The following CNTN5 variants were observed in gnomAD, a reference collection of about 807,000 sequenced individuals.
The protein encoded by CNTN5 is contactin-5.
A neutral mutation model predicts 129.1 loss-of-function variants in CNTN5; 77 were observed. The observed-to-expected ratio is 0.60, with a 90% CI of 0.50 to 0.72. The LOEUF (loss-of-function observed/expected upper bound fraction) is 0.72. Ranked by LOEUF, CNTN5 falls within the 30% of genes least tolerant of loss-of-function variation. CNTN5 has a pLI of 0.00. For synonymous variants in CNTN5, 509 were observed against 465.6 expected, an observed-to-expected ratio of 1.09 and a Z score of -1.20; for missense variants, 1,478 against 1,328.8, an observed-to-expected ratio of 1.11 and a Z score of -1.75.
intron 1 of CNTN5, among the ~76,000 whole-genome samples, chr11:99,098,220 A>G (rs1159378663): frequency 6.6e-6 from 1 of 152,090 alleles, no homozygotes; most frequent in Non-Finnish European, 1.5e-5. Flanking sequence ...ATATTTGTTG[A>G]CTTACTTACT....
In CNTN5 at chr11:99,957,000, C is replaced by T. The variant is rs779028608; in HGVS notation, c.868C>T (p.Arg290Cys). 20 of 1,613,048 alleles carry T rather than the reference C, an allele frequency of 1.2e-5. No individual in the cohort carries two copies. Among genetic ancestry groups the T allele is most frequent in the Non-Finnish European group, 1.6e-5 (19 of 1,179,488 alleles). ...VLSPPTPLTL[R>C]NDGVMGEYEP... ...TAGTCCTCCAACGCCACTCACTCTGCGTAATGATGGTAAGTTGCTTGGCCC... is the reference window on the plus strand; with the variant it reads ...TAGTCCTCCAACGCCACTCACTCTGTGTAATGATGGTAAGTTGCTTGGCCC... Residue 290 changes from arginine (R) to cysteine (C), a missense_variant, in exon 8 of 25, where the codon CGT becomes TGT. Transcript: ENST00000524871.
At chr11:100,202,455 A>G (rs1026586322) in intron 15 of CNTN5, among the ~76,000 whole-genome samples, 3 of 151,624 alleles carry the variant, frequency 2.0e-5, no homozygotes, top group Non-Finnish European at 2.9e-5. Context: ...ATGAGATCCA[A>G]TTTTCAAGTA....
intron 3 of CNTN5, among the ~76,000 whole-genome samples, chr11:99,777,141 G>A (rs1945151325): frequency 6.6e-6 from 1 of 151,582 alleles, no homozygotes; most frequent in African/African-American, 2.4e-5. Flanking sequence ...GTTTATTATG[G>A]TGAATATTAC....
At chr11:100,195,177 T>TA (rs1338475783) in intron 15 of CNTN5, among the ~76,000 whole-genome samples, 2 of 151,968 alleles carry the variant, frequency 1.3e-5, no homozygotes, top group Non-Finnish European at 1.5e-5. Flanking sequence ...ACATTTTGAT[T>TA]AAAAAATCCC....
chr11:99,739,970 G>A (rs1165132993), intron 3 of CNTN5, among the ~76,000 whole-genome samples: 1 of 151,938 alleles, frequency 6.6e-6, no homozygotes, highest in Non-Finnish European at 1.5e-5. Context: ...TTAAGCTTTT[G>A]GCAAGTGCTA....
At chr11:100,168,028 C>T (rs1947696968) in intron 13 of CNTN5, among the ~76,000 whole-genome samples, 1 of 151,868 alleles carries the variant, frequency 6.6e-6, no homozygotes, top group African/African-American at 2.4e-5. Context: ...AAACTAAATC[C>T]TACTCTAGAG....
chr11:99,920,589 G>A (rs560137818), intron 7 of CNTN5, among the ~76,000 whole-genome samples: 1 of 152,052 alleles, frequency 6.6e-6, no homozygotes, highest in Admixed American at 6.6e-5. Context: ...TGTACATCAG[G>A]CCTCAGAGCC....
At chr11:99,422,518 T>TATATATATA (rs1565569181) in intron 2 of CNTN5, among the ~76,000 whole-genome samples, 13 of 83,390 alleles carry the variant, frequency 1.6e-4, no homozygotes, top group Non-Finnish European at 2.5e-4. Context: ...CTTTATATTT[T>TATATATATA]TATATATATA....
intron 21 of CNTN5, among the ~76,000 whole-genome samples, chr11:100,322,439 G>T (rs1045953346): frequency 2.0e-5 from 3 of 152,044 alleles, no homozygotes; most frequent in Admixed American, 1.3e-4. Flanking sequence ...AGCCAGGATG[G>T]TCTCGATCTC....
At chr11:100,356,096 T>C in intron 24 of CNTN5, 21 bp from the exon 25 acceptor site, 1 of 1,557,826 alleles carries the variant, frequency 6.4e-7, no homozygotes, top group South Asian at 1.1e-5. Context: ...TTTGCTCCAT[T>C]TGATGCTTCT....
At chr11:99,167,276 T>C (rs1860918283) in intron 1 of CNTN5, among the ~76,000 whole-genome samples, 1 of 152,172 alleles carries the variant, frequency 6.6e-6, no homozygotes, top group East Asian at 1.9e-4. Context: ...ACTCATAATT[T>C]AGTGTTAAAA....
At chr11:99,330,927 TAAAC>T (rs1170470728) in intron 2 of CNTN5, among the ~76,000 whole-genome samples, 7 of 151,848 alleles carry the variant, frequency 4.6e-5, no homozygotes, top group Non-Finnish European at 1.0e-4. Context: ...TGCCTAAAAA[TAAAC>T]ATACACACAC....
chr11:99,521,620 G>C (rs568118837), intron 2 of CNTN5, among the ~76,000 whole-genome samples: 1 of 152,104 alleles, frequency 6.6e-6, no homozygotes, highest in Admixed American at 6.6e-5. Flanking sequence ...CTTTAACTGC[G>C]TTAGCTTGCT....
chr11:99,853,586 A>G (rs1947943908), intron 6 of CNTN5, among the ~76,000 whole-genome samples: 1 of 152,038 alleles, frequency 6.6e-6, no homozygotes. Flanking sequence ...TTTTTAGTAG[A>G]GACGGGGTTT....
At chr11:99,183,089 T>C (rs1555071118) in intron 1 of CNTN5, among the ~76,000 whole-genome samples, 1 of 152,160 alleles carries the variant, frequency 6.6e-6, no homozygotes, top group Non-Finnish European at 1.5e-5. Flanking sequence ...TATTTAGTCA[T>C]GGTGATTACA....
chr11:100,348,052 T>C (rs1235745380), intron 23 of CNTN5, among the ~76,000 whole-genome samples: 1 of 152,026 alleles, frequency 6.6e-6, no homozygotes, highest in East Asian at 1.9e-4. Context: ...GCTCTCAGTT[T>C]TTTTTTTAAT....
intron 2 of CNTN5, among the ~76,000 whole-genome samples, chr11:99,509,065 A>C (rs888251741): frequency 3.9e-5 from 6 of 152,166 alleles, no homozygotes; most frequent in Non-Finnish European, 5.9e-5. Context: ...AAGATACAAC[A>C]CTTACACAGA....
intron 1 of CNTN5, among the ~76,000 whole-genome samples, chr11:99,103,059 G>C (rs531895744): frequency 1.3e-5 from 2 of 152,100 alleles, no homozygotes; most frequent in African/African-American, 2.4e-5. Context: ...AGAACCAAGC[G>C]AAAGGGGTTT....
At chr11:99,508,563 A>G (rs1412595801) in intron 2 of CNTN5, among the ~76,000 whole-genome samples, 1 of 152,154 alleles carries the variant, frequency 6.6e-6, no homozygotes, top group Non-Finnish European at 1.5e-5. Context: ...CCCTTCCTCA[A>G]TGGATAATGA....
Sources: allele counts gnomAD v4.1 joint callset (sites outside exome capture counted in the v4.1 genomes callset), GRCh38; gene constraint gnomAD v4.1.1; transcripts MANE v1.5; gene names NCBI Gene and HGNC (gene_info 2026-07-23, HGNC 2026-07-21).